MMP12: variants seen among roughly 807,000 people sequenced by gnomAD.
The protein encoded by MMP12 is macrophage metalloelastase.
A neutral mutation model predicts 45.2 loss-of-function variants in MMP12; 51 were observed. That is an observed-to-expected ratio of 1.13 (90% CI 0.90 to 1.42). MMP12 has a LOEUF of 1.42. Among genes scored for constraint, MMP12 ranks in the 40% most tolerant of loss-of-function variants. The probability of loss-of-function intolerance (pLI) is 0.00; values close to 1 mark genes in which losing one functional copy is unlikely to be tolerated. For synonymous variants in MMP12, 210 were observed against 193.3 expected (o/e 1.09, Z -0.72); for missense variants, 530 against 570.8 (o/e 0.93, Z 0.73).
intron 9 of MMP12, among the ~76,000 whole-genome samples, chr11:102,863,462 T>C (rs1280119522): frequency 6.6e-6 from 1 of 152,052 alleles, no homozygotes; most frequent in Non-Finnish European, 1.5e-5. Flanking sequence ...AGATGAGATG[T>C]GATTTGAGGA....
At position 102,872,875 on chromosome 11, in the gene MMP12, T is replaced by A. The variant is rs781861215; in HGVS notation, c.340A>T (p.Ile114Phe). Residue 114 changes from isoleucine (I) to phenylalanine (F), a missense_variant, in exon 2 of 10, where the codon ATC (isoleucine) becomes TTC (phenylalanine). Ile to Phe is a conservative substitution (Grantham distance 21). Coordinates refer to ENST00000571244, the MANE Select transcript of MMP12 (RefSeq NM_002426.6). ...PGGPVWRKHYITYRINNYTPD... is the reference protein window; with the variant it reads ...PGGPVWRKHYFTYRINNYTPD... Reference sequence around the variant, plus strand: ...ATACACCAACGTTACCTGTAGGTGATATAATGTTTCCTCCATACGGGCCCC... The same window carrying A: ...ATACACCAACGTTACCTGTAGGTGAAATAATGTTTCCTCCATACGGGCCCC... The A allele has an allele frequency of 1.2e-6, 2 of 1,613,820 alleles. No homozygotes were observed. The highest frequency in any genetic ancestry group is 1.1e-5 in the South Asian group (1 of 91,028).
Position 102,872,913 on chromosome 11 carries a change from C to T in MMP12, c.302G>A (p.Arg101Lys). ...CCATACGGGCCCCCCTGGCATTTCC[C>T]TGAAATGATGGACATCGGGGACTCC... ...RCGVPDVHHFREMPGGPVWRK... is the reference protein window; with the variant it reads ...RCGVPDVHHFKEMPGGPVWRK... Residue 101 changes from arginine (R) to lysine (K), a missense_variant, in exon 2 of 10, where the codon AGG (arginine) becomes AAG (lysine). Transcript: ENST00000571244. 6.2e-7 allele frequency: 1 copy of T among 1,613,824 alleles called. No homozygotes were observed. Among genetic ancestry groups the T allele is most frequent in the African/African-American group, 1.3e-5 (1 of 75,042 alleles).
intron 7 of MMP12, 144 bp downstream of exon 7, chr11:102,866,171 T>G (rs1284672417): frequency 4.2e-6 from 4 of 942,144 alleles, no homozygotes. Flanking sequence ...TTTAGGCTAT[T>G]TTAGTTTACA....
At chr11:102,870,437 G>C (rs948094023) in intron 4 of MMP12, among the ~76,000 whole-genome samples, 1 of 152,162 alleles carries the variant, frequency 6.6e-6, no homozygotes, top group Non-Finnish European at 1.5e-5. Context: ...TAGTCTTTCT[G>C]GTGGACATAG....
chr11:102,874,091 T>C (rs1181998799), intron 1 of MMP12, among the ~76,000 whole-genome samples: 1 of 151,708 alleles, frequency 6.6e-6, no homozygotes, highest in Non-Finnish European at 1.5e-5. Context: ...TTAATGTTAT[T>C]AATATAAGTT....
chr11:102,866,816 G>T (rs1176524883), intron 6 of MMP12, among the ~76,000 whole-genome samples: 8 of 152,064 alleles, frequency 5.3e-5, no homozygotes, highest in Non-Finnish European at 1.5e-5. Context: ...CTTGACAAAT[G>T]TTAGTCTTCC....
At chr11:102,869,325 T>A (rs539552386) in intron 4 of MMP12, among the ~76,000 whole-genome samples, 1 of 152,138 alleles carries the variant, frequency 6.6e-6, no homozygotes, top group Admixed American at 6.5e-5. Context: ...TTCTGTATCA[T>A]GGGTCCAGTA....
Position 102,865,585 on chromosome 11 carries a change from CATAT to C in MMP12, c.1205+187_1205+190del, listed in dbSNP as rs1299313415. Among the ~76,000 whole-genome samples the C allele has an allele frequency of 6.6e-6, 1 of 152,020 alleles. No homozygotes were observed. Among genetic ancestry groups the C allele is most frequent in the Non-Finnish European group, 1.5e-5 (1 of 67,992 alleles). Reference sequence around the variant, plus strand: ...AAAAAACACACATTATCTACTATTTCATATATCAGAAACCAAAAACACAAAGAAC... The same window carrying C: ...AAAAAACACACATTATCTACTATTTCATCAGAAACCAAAAACACAAAGAAC... On this transcript the variant is annotated intron_variant, in intron 8 of 9. Transcript: ENST00000571244. This position sits in a 1 kb window ranked among gnomAD's most constrained non-coding sequence, Gnocchi z 4.1.
chr11:102,873,700 C>T (rs1268117758), intron 1 of MMP12, among the ~76,000 whole-genome samples: 10 of 152,072 alleles, frequency 6.6e-5, no homozygotes, highest in South Asian at 4.1e-4. Flanking sequence ...TTTTTTAAAA[C>T]GTCATTTATT....
In MMP12 at chr11:102,863,506, C is replaced by T. The variant is rs370930528; in HGVS notation, c.1313-306G>A. ...TTGAGGGCCCTTGGTATCATACCCC[C>T]AAAACGTCTACCAACAGCCAGTCAT... On this transcript the variant is annotated intron_variant, in intron 9 of 9. Coordinates refer to ENST00000571244, the MANE Select transcript of MMP12 (RefSeq NM_002426.6). Among the ~76,000 whole-genome samples the T allele has an allele frequency of 2.0e-5, 3 of 152,204 alleles. No individual in the cohort carries two copies. The East Asian group carries it at 5.8e-4, about 29-fold the overall frequency.
At chr11:102,873,435 A>G (rs1445958716) in intron 1 of MMP12, among the ~76,000 whole-genome samples, 1 of 152,030 alleles carries the variant, frequency 6.6e-6, no homozygotes, top group African/African-American at 2.4e-5. Flanking sequence ...CCTCCTCTGT[A>G]CAAAAAACAC....
At chr11:102,871,495 A>T in intron 4 of MMP12, 99 bp downstream of exon 4, 1 of 1,366,610 alleles carries the variant, frequency 7.3e-7, no homozygotes, top group Non-Finnish European at 9.9e-7. Flanking sequence ...GTCAGAATGT[A>T]GTCTCTCGAA....
intron 6 of MMP12, 57 bp downstream of exon 6, chr11:102,867,213 C>CA (rs28381681): frequency 5.4e-5 from 78 of 1,440,784 alleles, no homozygotes; most frequent in South Asian, 2.6e-4. Context: ...TGTTTTCTGA[C>CA]AAAAAAAATT....
chr11:102,866,445 G>C lies in MMP12; in HGVS notation c.915C>G (p.Phe305Leu). The C allele has an allele frequency of 3.7e-6, 6 of 1,610,512 alleles. No individual in the cohort carries two copies. Among genetic ancestry groups the C allele is most frequent in the Non-Finnish European group, 5.1e-6 (6 of 1,178,584 alleles). The change falls in exon 7 of 10, where the codon TTC (phenylalanine) becomes TTG (leucine). Residue 305 changes from phenylalanine (F) to leucine (L), a missense_variant. By Grantham distance (22) the Phe-to-Leu change is conservative. Coordinates refer to ENST00000571244, the MANE Select transcript of MMP12 (RefSeq NM_002426.6). ...GNKIFFFKDR[F>L]FWLKVSERPK... is the part of the protein sequence containing the mutation. ...GTCTCTCAGAAACCTTCAGCCAGAA[G>C]AACCTGACATGAAAGACATTTGACA...
Position 102,869,773 on chromosome 11 carries a change from G to T in MMP12, c.626-1704C>A, listed in dbSNP as rs567935101. On this transcript the variant is annotated intron_variant, in intron 4 of 9. Coordinates refer to ENST00000571244, the MANE Select transcript of MMP12 (RefSeq NM_002426.6). ...CAAAAAAAAAAAAAAAATTAGCAGG[G>T]CGTGGTGGCCAGCACCTGTAATATA... Among the ~76,000 whole-genome samples, 14 of 152,026 alleles carry T rather than the reference G, an allele frequency of 9.2e-5. No individual in the cohort carries two copies. The South Asian group carries it at 2.5e-3, about 27-fold the overall frequency.
intron 6 of MMP12, 27 bp downstream of exon 6, chr11:102,867,243 A>T (rs199633046): frequency 3.4e-5 from 52 of 1,536,500 alleles, no homozygotes; most frequent in Non-Finnish European, 4.3e-5. Flanking sequence ...AAACTTTAAT[A>T]TTGGTTAGAT....
Position 102,863,168 on chromosome 11 carries a change from A to G in MMP12, c.1345T>C (p.Phe449Leu). 6.2e-7 allele frequency: 1 copy of G among 1,609,832 alleles called. No homozygotes were observed. Among genetic ancestry groups the G allele is most frequent in the Non-Finnish European group, 8.5e-7 (1 of 1,177,210 alleles). ...YYYFFQGSNQ[F>L]EYDFLLQRIT... ...CGTTGGAGTAGGAAGTCATATTCAA[A>G]TTGGTTAGATCCTTGGAAGAAATAG... The change falls in exon 10 of 10, where the codon TTT (phenylalanine) becomes CTT (leucine). Residue 449 changes from phenylalanine (F) to leucine (L), a missense_variant. Phe to Leu is a conservative substitution (Grantham distance 22). Transcript: ENST00000571244.
Position 102,871,923 on chromosome 11 carries a change from C to A in MMP12, c.380G>T (p.Arg127Leu), listed in dbSNP as rs61730844. 3 of 1,612,708 alleles carry A rather than the reference C, an allele frequency of 1.9e-6. No homozygotes were observed. The highest frequency in any genetic ancestry group is 1.3e-5 in the African/African-American group (1 of 74,940). ...RINNYTPDMN[R>L]EDVDYAIRKA... ...CCGGATTGCGTAGTCAACATCCTCA[C>A]GGTTCATGTCAGGTGTGTAATTATT... Residue 127 changes from arginine (R) to leucine (L), a missense_variant, in exon 3 of 10, where the codon CGT becomes CTT. Transcript: ENST00000571244.
At position 102,865,692 on chromosome 11, in the gene MMP12, C is replaced by T. The variant is rs931910759; in HGVS notation, c.1205+84G>A. 25 of 1,152,658 alleles carry T rather than the reference C, an allele frequency of 2.2e-5. No homozygotes were observed. The highest frequency in any genetic ancestry group is 1.1e-4 in the Admixed American group (4 of 36,122). 71.4% of individuals were successfully genotyped at this position (1,152,658 alleles called of 1,614,324 possible). On this transcript the variant is annotated intron_variant, in intron 8 of 9. Transcript: ENST00000571244. The surrounding 1 kb of genome is among the most constrained non-coding windows in gnomAD (Gnocchi z 4.1). ...AAGGTCAAGGAGCTTTGGGAATTTG[C>T]GCAGAAAATGTGCCTTCTAGAAAGC...
Sources: allele counts gnomAD v4.1 joint callset (sites outside exome capture counted in the v4.1 genomes callset), GRCh38; gene constraint gnomAD v4.1.1; non-coding constraint Gnocchi (gnomAD v3.1); transcripts MANE v1.5; gene names NCBI Gene and HGNC (gene_info 2026-07-23, HGNC 2026-07-21).